Variants in RCOR3 observed in about 807,000 individuals in gnomAD.
The protein encoded by RCOR3 is REST corepressor 3.
In RCOR3, 13 loss-of-function variants were observed where a neutral mutation model predicts 64.1. That is an observed-to-expected ratio of 0.20 (90% CI 0.13 to 0.32). The LOEUF (loss-of-function observed/expected upper bound fraction) is 0.32, where lower values mean the gene tolerates loss of function less well. Ranked by LOEUF, RCOR3 falls within the 10% of genes least tolerant of loss-of-function variation. The probability of loss-of-function intolerance (pLI) is 1.00; values close to 1 mark genes in which losing one functional copy is unlikely to be tolerated. For synonymous variants in RCOR3, 215 were observed against 239.0 expected, an observed-to-expected ratio of 0.90 and a Z score of 0.93; for missense variants, 489 against 701.2, an observed-to-expected ratio of 0.70 and a Z score of 3.42.
chr1:211,273,891 T>C (rs1474439058), intron 3 of RCOR3, among the ~76,000 whole-genome samples: 5 of 152,182 alleles, frequency 3.3e-5, no homozygotes, highest in Non-Finnish European at 7.4e-5. Flanking sequence ...TATCTTAATA[T>C]TTTATACAAC....
At chr1:211,276,451 T>C (rs766665997) in intron 5 of RCOR3, 33 bp downstream of exon 5, 23 of 1,570,288 alleles carry the variant, frequency 1.5e-5, no homozygotes, top group East Asian at 2.2e-5. Context: ...GTGGTTCATA[T>C]GTGAATGATA....
At chr1:211,264,060 T>G (rs1305324580) in intron 2 of RCOR3, among the ~76,000 whole-genome samples, 1 of 152,188 alleles carries the variant, frequency 6.6e-6, no homozygotes, top group Non-Finnish European at 1.5e-5. Flanking sequence ...TGGTCTCAGG[T>G]CATCCGCGTG....
chr1:211,286,095 G>T (rs1175013180), intron 7 of RCOR3, among the ~76,000 whole-genome samples: 3 of 152,102 alleles, frequency 2.0e-5, no homozygotes, highest in Admixed American at 6.5e-5. Context: ...ACAGCTGGGC[G>T]TATGTATTAA....
At chr1:211,286,014 T>C (rs146677301) in intron 7 of RCOR3, among the ~76,000 whole-genome samples, 1,841 of 152,326 alleles carry the variant, frequency 0.012, 14 homozygotes, top group Middle Eastern at 0.071. Context: ...ATTTGCCTGG[T>C]TTATCTTTAT....
rs192193231 is a variant in RCOR3, at chr1:211,262,702, A to G, written c.223+2538A>G. ...ATGCCATAGCATTACATTGGAAAGC[A>G]TTGATCTGATCATTGGAAAGCATCT... On this transcript the variant is annotated intron_variant, in intron 2 of 11. Coordinates refer to ENST00000419091, the MANE Select transcript of RCOR3 (RefSeq NM_001136223.3). Among the ~76,000 whole-genome samples the G allele has an allele frequency of 1.6e-4, 24 of 152,304 alleles. No homozygotes were observed. In the East Asian group the frequency reaches 4.2e-3, roughly 27 times the overall value.
At position 211,315,758 on chromosome 1, in the gene RCOR3, T is replaced by G. The variant is rs1701833901; in HGVS notation, c.*1990T>G. On this transcript the variant is annotated 3_prime_UTR_variant, in exon 12 of 12. Coordinates refer to ENST00000419091, the MANE Select transcript of RCOR3 (RefSeq NM_001136223.3). Reference sequence around the variant, plus strand: ...ATATTGTGATTCATTAAAAAATCTCTTCTATCCCAGACATGGGCCAAGGTG... The same window carrying G: ...ATATTGTGATTCATTAAAAAATCTCGTCTATCCCAGACATGGGCCAAGGTG... The G allele has an allele frequency of 6.6e-6, 1 of 152,206 alleles. No homozygotes were observed. Among genetic ancestry groups the G allele is most frequent in the South Asian group, 2.1e-4 (1 of 4,834 alleles). The allele number at this position is 152,206 out of a possible 1,614,324, so 9.4% of individuals were successfully genotyped here. A position where few individuals can be genotyped will look rare whatever the true frequency, so the allele number is the denominator to read the frequency against.
chr1:211,276,208 A>G (rs1273231336), intron 4 of RCOR3, 49 bp from the exon 5 acceptor site: 3 of 1,540,636 alleles, frequency 1.9e-6, no homozygotes, highest in East Asian at 2.3e-5. Flanking sequence ...CTTAAGTGTG[A>G]TGGAACATAA....
chr1:211,287,370 A>G (rs530562972), intron 7 of RCOR3, among the ~76,000 whole-genome samples: 3 of 152,320 alleles, frequency 2.0e-5, no homozygotes, highest in Non-Finnish European at 2.9e-5. Context: ...CAACTACTGC[A>G]TACTTGATTC....
chr1:211,285,082 T>C (rs1330954553), intron 7 of RCOR3, among the ~76,000 whole-genome samples: 3 of 152,248 alleles, frequency 2.0e-5, no homozygotes, highest in Non-Finnish European at 4.4e-5. Context: ...TTGCTCTTCA[T>C]AACTTATTTG....
At chr1:211,294,586 C>CTTTTTTTTTTTTTTTTTT (rs35962546) in intron 8 of RCOR3, among the ~76,000 whole-genome samples, 2 of 88,030 alleles carry the variant, frequency 2.3e-5, no homozygotes, top group African/African-American at 4.1e-5. Flanking sequence ...TTCTTTCTTT[C>CTTTTTTTTTTTTTTTTTT]TTTTTTTTTT....
chr1:211,261,245 GC>G (rs1694219793), intron 2 of RCOR3: 1 of 152,160 alleles, frequency 6.6e-6, no homozygotes. Flanking sequence ...GGATACAGAG[GC>G]GTGTTTTTTT....
chr1:211,270,559 AAT>A (rs1571818496), intron 2 of RCOR3, among the ~76,000 whole-genome samples: 2 of 151,740 alleles, frequency 1.3e-5, no homozygotes, highest in Non-Finnish European at 2.9e-5. Context: ...AAAAAAAAAA[AAT>A]ACCTGAGGCA....
At chr1:211,271,404 A>C in intron 3 of RCOR3, 95 bp downstream of exon 3, 26 of 885,290 alleles carry the variant, frequency 2.9e-5, no homozygotes, top group Non-Finnish European at 4.4e-5. Context: ...ATAGATTCTC[A>C]TAAGAAAACA....
chr1:211,262,424 T>A (rs1247404803), intron 2 of RCOR3, among the ~76,000 whole-genome samples: 1 of 152,192 alleles, frequency 6.6e-6, no homozygotes, highest in Admixed American at 6.5e-5. Flanking sequence ...TATGAAGAAT[T>A]ATTCTGGATA....
At chr1:211,260,013 C>A in intron 1 of RCOR3, 95 bp from the exon 2 acceptor site, 1 of 1,416,408 alleles carries the variant, frequency 7.1e-7, no homozygotes, top group South Asian at 1.6e-5. Flanking sequence ...CTTCTTTCCT[C>A]CATCTAGCGA....
chr1:211,314,120 C>G lies in RCOR3; in HGVS notation c.*352C>G, dbSNP rs1701743454. ...CTTTATATTCCTGCCTCTTCATAGT[C>G]AAGGCTCTTAGTACAGGAATATTGA... On this transcript the variant is annotated 3_prime_UTR_variant, in exon 12 of 12. Transcript: ENST00000419091. The G allele has an allele frequency of 1.6e-5, 3 of 188,126 alleles. No individual in the cohort carries two copies. In the Admixed American group the frequency reaches 1.6e-4, roughly 10 times the overall value. 11.7% of individuals were successfully genotyped at this position (188,126 alleles called of 1,614,324 possible). A position where few individuals can be genotyped will look rare whatever the true frequency, so the allele number is the denominator to read the frequency against.
chr1:211,299,428 T>C, intron 9 of RCOR3, among the ~76,000 whole-genome samples: 1 of 152,174 alleles, frequency 6.6e-6, no homozygotes, highest in East Asian at 1.9e-4. Flanking sequence ...TAAGTGTAAC[T>C]GAAAAAAGAG....
chr1:211,296,807 A>G (rs1699901042), intron 9 of RCOR3, among the ~76,000 whole-genome samples: 1 of 151,982 alleles, frequency 6.6e-6, no homozygotes, highest in Non-Finnish European at 1.5e-5. Flanking sequence ...AATACCAAAA[A>G]TTACTATTTT....
At chr1:211,272,612 CTT>C (rs768152573) in intron 3 of RCOR3, among the ~76,000 whole-genome samples, 3 of 43,510 alleles carry the variant, frequency 6.9e-5, no homozygotes, top group Admixed American at 4.7e-4. Context: ...GGATGTCTTA[CTT>C]TTTTTTTTTT....
Sources: gnomAD v4.1 joint callset for allele counts (sites outside exome capture counted in the v4.1 genomes callset) on GRCh38, gnomAD v4.1.1 for gene constraint, MANE v1.5 for transcripts, NCBI Gene and HGNC (gene_info 2026-07-23, HGNC 2026-07-21) for gene names.